Variants in DLG2 observed in about 807,000 individuals in gnomAD.
DLG2 encodes discs large MAGUK scaffold protein 2.
DLG2 carries 45 observed loss-of-function variants against 132.5 expected under a neutral mutation model. That is an observed-to-expected ratio of 0.34 (90% CI 0.27 to 0.44). The LOEUF is 0.44. Among genes scored for constraint, DLG2 ranks in the 20% least tolerant of loss-of-function variants. The pLI is 1.00. For missense variants in DLG2, 1,045 were observed against 1,196.9 expected (o/e 0.87, Z 1.87); for synonymous variants, 424 against 419.6 (o/e 1.01, Z -0.13).
chr11:85,386,727 C>G (rs962539461), intron 3 of DLG2, among the ~76,000 whole-genome samples: 21 of 150,474 alleles, frequency 1.4e-4, no homozygotes, highest in Non-Finnish European at 5.9e-5. Flanking sequence ...CTTTTTATTT[C>G]TGTTTGTAGC....
intron 19 of DLG2, among the ~76,000 whole-genome samples, chr11:83,578,790 A>G (rs1386736636): frequency 6.6e-6 from 1 of 152,220 alleles, no homozygotes; most frequent in Admixed American, 6.5e-5. Flanking sequence ...TAGCATTTAT[A>G]GACTACCCAT....
intron 16 of DLG2, among the ~76,000 whole-genome samples, chr11:83,835,131 A>G (rs1205096403): frequency 6.6e-6 from 1 of 152,188 alleles, no homozygotes; most frequent in Non-Finnish European, 1.5e-5. Context: ...AGTCAGAGGT[A>G]AAGTGACATA....
intron 17 of DLG2, among the ~76,000 whole-genome samples, chr11:83,814,221 G>A (rs964622786): frequency 6.6e-5 from 10 of 152,028 alleles, no homozygotes; most frequent in Admixed American, 2.0e-4. Flanking sequence ...CACATCAGAC[G>A]TATCAAAAAC....
At chr11:85,386,579 GA>G (rs2086345840) in intron 3 of DLG2, among the ~76,000 whole-genome samples, 1 of 151,982 alleles carries the variant, frequency 6.6e-6, no homozygotes, top group Non-Finnish European at 1.5e-5. Flanking sequence ...ATAGGTACAT[GA>G]CAAATAGATT....
At chr11:85,567,072 T>C (rs1472510922) in intron 3 of DLG2, among the ~76,000 whole-genome samples, 2 of 152,216 alleles carry the variant, frequency 1.3e-5, no homozygotes, top group Admixed American at 6.5e-5. Context: ...TTGATTACTA[T>C]AGCCTTGTAA....
intron 17 of DLG2, among the ~76,000 whole-genome samples, chr11:83,826,270 TG>T (rs2052750296): frequency 6.6e-6 from 1 of 152,160 alleles, no homozygotes. Context: ...CTCTGGTGGC[TG>T]GGCCAGGAGG....
chr11:83,558,201 C>A (rs2096551872), intron 19 of DLG2, among the ~76,000 whole-genome samples: 1 of 152,166 alleles, frequency 6.6e-6, no homozygotes, highest in South Asian at 2.1e-4. Context: ...GCTGTTCTGT[C>A]TCTTTCATTC....
intron 16 of DLG2, among the ~76,000 whole-genome samples, chr11:83,840,988 T>C (rs1377291787): frequency 6.6e-6 from 1 of 152,214 alleles, no homozygotes; most frequent in African/African-American, 2.4e-5. Context: ...TCAAGACCCA[T>C]GATCTTCATG....
chr11:83,617,124 T>A (rs1047433714), intron 19 of DLG2, among the ~76,000 whole-genome samples: 1 of 152,232 alleles, frequency 6.6e-6, no homozygotes, highest in South Asian at 2.1e-4. Context: ...GTTGGTCTTT[T>A]ATATTTCCAT....
At chr11:84,797,131 GCCA>G (rs1223699121) in intron 6 of DLG2, among the ~76,000 whole-genome samples, 4 of 152,154 alleles carry the variant, frequency 2.6e-5, no homozygotes, top group Non-Finnish European at 5.9e-5. Context: ...ACAGGCGTGA[GCCA>G]CCATGCCCGG....
intron 19 of DLG2, among the ~76,000 whole-genome samples, chr11:83,620,787 G>C (rs1242138905): frequency 7.1e-6 from 1 of 140,744 alleles, no homozygotes; most frequent in Admixed American, 7.6e-5. Context: ...GGAGAATGGC[G>C]TGAACCCAGG....
chr11:84,478,469 A>C (rs986259943), intron 7 of DLG2, among the ~76,000 whole-genome samples: 1 of 152,118 alleles, frequency 6.6e-6, no homozygotes, highest in African/African-American at 2.4e-5. Context: ...TGATTATACT[A>C]TAATTAAACC....
Position 83,456,931 on chromosome 11 carries a change from C to G in DLG2, c.*2887G>C, listed in dbSNP as rs1285239388. Reference sequence around the variant, plus strand: ...GCCAAGAAATCCCGCAAAAGGCCTGCAAATAAATGGCCGACAATTCTGTGG... The same window carrying G: ...GCCAAGAAATCCCGCAAAAGGCCTGGAAATAAATGGCCGACAATTCTGTGG... On this transcript the variant is annotated 3_prime_UTR_variant, in exon 28 of 28. Coordinates refer to ENST00000376104, the MANE Select transcript of DLG2 (RefSeq NM_001142699.3). 1 of 152,636 alleles carries G rather than the reference C, an allele frequency of 6.6e-6. No individual in the cohort carries two copies. Among genetic ancestry groups the G allele is most frequent in the East Asian group, 1.9e-4 (1 of 5,204 alleles). 9.5% of individuals were successfully genotyped at this position (152,636 alleles called of 1,614,324 possible). A position where few individuals can be genotyped will look rare whatever the true frequency, so the allele number is the denominator to read the frequency against.
At chr11:84,744,407 G>A (rs1467988763) in intron 6 of DLG2, among the ~76,000 whole-genome samples, 8 of 152,114 alleles carry the variant, frequency 5.3e-5, no homozygotes, top group African/African-American at 1.9e-4. Flanking sequence ...ATCATGCTGT[G>A]GCAAATTTCT....
rs1051146359 is a variant in DLG2 at position 84,750,514 on chromosome 11, T to G, written c.358-215783A>C. 3.3e-5 allele frequency among the ~76,000 whole-genome samples: 5 copies of G among 152,076 alleles called. 1 individual carries two copies. The highest frequency in any genetic ancestry group is 1.2e-4 in the African/African-American group (5 of 41,452). Reference sequence around the variant, plus strand: ...CTTTGTTTAAAACATTTTCCAAATTTATTTTTAAAAAAATAAATATCATAT... The same window carrying G: ...CTTTGTTTAAAACATTTTCCAAATTGATTTTTAAAAAAATAAATATCATAT... On this transcript the variant is annotated intron_variant, in intron 6 of 27. Transcript: ENST00000376104.
intron 8 of DLG2, among the ~76,000 whole-genome samples, chr11:84,235,667 G>C (rs2097149060): frequency 6.6e-6 from 1 of 152,078 alleles, no homozygotes; most frequent in Admixed American, 6.6e-5. Context: ...TTTTATTAAT[G>C]AAGTGTTCAA....
intron 18 of DLG2, among the ~76,000 whole-genome samples, chr11:83,766,368 C>T (rs2094145042): frequency 6.6e-6 from 1 of 150,530 alleles, no homozygotes; most frequent in Non-Finnish European, 1.5e-5. Context: ...GCTGGGATTA[C>T]AGGTGTGAGC....
chr11:85,059,427 G>C (rs1342199812), intron 6 of DLG2, among the ~76,000 whole-genome samples: 1 of 151,390 alleles, frequency 6.6e-6, no homozygotes, highest in Non-Finnish European at 1.5e-5. Flanking sequence ...ATAAATGAAG[G>C]CATATCACAC....
rs1255163150 is a variant in DLG2 at position 85,087,612 on chromosome 11, G to A, written c.357+24049C>T. On this transcript the variant is annotated intron_variant, in intron 6 of 27. Coordinates refer to ENST00000376104, the MANE Select transcript of DLG2 (RefSeq NM_001142699.3). Reference sequence around the variant, plus strand: ...CCAGCACTTTGGGAGGCCGAGGCGGGTGGATCATGAGGTCAGGAGATCGAG... The same window carrying A: ...CCAGCACTTTGGGAGGCCGAGGCGGATGGATCATGAGGTCAGGAGATCGAG... Among the ~76,000 whole-genome samples, 3 of 152,080 alleles carry A rather than the reference G, an allele frequency of 2.0e-5. No homozygotes were observed. The East Asian group carries it at 5.8e-4, about 29-fold the overall frequency.
Sources: gnomAD v4.1 joint callset for allele counts (sites outside exome capture counted in the v4.1 genomes callset) on GRCh38, gnomAD v4.1.1 for gene constraint, MANE v1.5 for transcripts, NCBI Gene and HGNC (gene_info 2026-07-23, HGNC 2026-07-21) for gene names.